The following RPS27A variants were observed in gnomAD, a reference collection of about 807,000 sequenced individuals.
RPS27A encodes ribosomal protein S27a.
In RPS27A, 1 loss-of-function variant was observed where a neutral mutation model predicts 18.9. The ratio of observed to expected loss-of-function variants is 0.05; its 90% confidence interval spans 0.02 to 0.25. The LOEUF is 0.25. Among genes scored for constraint, RPS27A ranks in the 10% least tolerant of loss-of-function variants. RPS27A has a pLI of 1.00. For missense variants in RPS27A, 123 were observed against 187.4 expected, an observed-to-expected ratio of 0.66 and a Z score of 2.01; for synonymous variants, 77 against 63.7, an observed-to-expected ratio of 1.21 and a Z score of -0.99.
chr2:55,232,569 G>C (rs1169745593), upstream of RPS27A: 7 of 574,778 alleles, frequency 1.2e-5, no homozygotes, highest in South Asian at 1.4e-4. Flanking sequence ...TCACGTCCTA[G>C]TCTGGCACCG....
chr2:55,233,047 C>T (rs955804183), intron 2 of RPS27A, 175 bp downstream of exon 2: 5 of 699,980 alleles, frequency 7.1e-6, no homozygotes, highest in East Asian at 5.4e-5. Flanking sequence ...TTTTCGGTGG[C>T]CAAAGGCTGG....
At position 55,234,291 on chromosome 2, in the gene RPS27A, ACT is replaced by A. The variant is rs1477594515; in HGVS notation, c.189+90_189+91del. 6 of 944,832 alleles carry A rather than the reference ACT, an allele frequency of 6.4e-6. No individual in the cohort carries two copies. The East Asian group carries it at 1.3e-4, about 20-fold the overall frequency. The allele number at this position is 944,832 out of a possible 1,614,324, so 58.5% of individuals were successfully genotyped here. A position where few individuals can be genotyped will look rare whatever the true frequency, so the allele number is the denominator to read the frequency against. ...TTTACTTTTTTTGAGACAGGCTCTGACTCTGTCACCTAGGGTGGAGTGAGTGG... is the reference window on the plus strand; with the variant it reads ...TTTACTTTTTTTGAGACAGGCTCTGACTGTCACCTAGGGTGGAGTGAGTGG... On this transcript the variant is annotated intron_variant, in intron 4 of 5. Coordinates refer to ENST00000272317, the MANE Select transcript of RPS27A (RefSeq NM_002954.6).
chr2:55,234,641 A>G (rs1675701002), intron 4 of RPS27A, 190 bp from the exon 5 acceptor site: 1 of 658,008 alleles, frequency 1.5e-6, no homozygotes, highest in African/African-American at 1.8e-5. Context: ...CCATGGTGTA[A>G]TGTAATGCAT....
At chr2:55,233,164 C>T (rs910133363) in intron 2 of RPS27A, 199 bp from the exon 3 acceptor site, 1 of 658,022 alleles carries the variant, frequency 1.5e-6, no homozygotes, top group Admixed American at 2.4e-5. Flanking sequence ...GCCCTGCGGC[C>T]GCCGCCCGCT....
chr2:55,233,232 G>A, intron 2 of RPS27A, 131 bp from the exon 3 acceptor site: 1 of 805,074 alleles, frequency 1.2e-6, no homozygotes, highest in Non-Finnish European at 2.1e-6. Context: ...TGCCCACTGG[G>A]TGGGTAATAG....
chr2:55,235,632 G>C lies in RPS27A; in HGVS notation c.*55G>C, dbSNP rs143376339. ...ACATTTATTGTTGGGTTTTATTGCA[G>C]TAAAAAGAATGGTTTTTAAGCACCA... On this transcript the variant is annotated 3_prime_UTR_variant, in exon 6 of 6. Transcript: ENST00000272317. The C allele has an allele frequency of 3.2e-5, 51 of 1,583,946 alleles. No homozygotes were observed. The African/African-American group carries it at 4.8e-4, about 15-fold the overall frequency.
At chr2:55,232,943 T>A (rs1404783023) in intron 2 of RPS27A, 71 bp downstream of exon 2, 15 of 1,213,598 alleles carry the variant, frequency 1.2e-5, no homozygotes. Flanking sequence ...GGACCGGCGC[T>A]GCTTTCCATG....
At position 55,232,867 on chromosome 2, in the gene RPS27A, C is replaced by T. The variant is rs1558536022; in HGVS notation, c.43C>T (p.Leu15Phe). Residue 15 changes from leucine (L) to phenylalanine (F), a missense_variant, in exon 2 of 6, where the codon CTC becomes TTC. This residue lies in a region of RPS27A where 66 missense variants were observed against 72.6 expected (regional missense o/e 0.91). Coordinates refer to ENST00000272317, the MANE Select transcript of RPS27A (RefSeq NM_002954.6). Reference sequence around the variant, plus strand: ...AACCCTTACGGGGAAGACCATCACCCTCGAGGTACGGGCCGGGTGGTCATG... The same window carrying T: ...AACCCTTACGGGGAAGACCATCACCTTCGAGGTACGGGCCGGGTGGTCATG... Reference protein sequence around the residue: ...VKTLTGKTITLEVEPSDTIEN... With the variant: ...VKTLTGKTITFEVEPSDTIEN... The T allele has an allele frequency of 3.7e-6, 6 of 1,611,516 alleles. No homozygotes were observed. The highest frequency in any genetic ancestry group is 5.1e-6 in the Non-Finnish European group (6 of 1,179,346).
At chr2:55,233,570 G>T in intron 3 of RPS27A, 153 bp downstream of exon 3, 1 of 685,018 alleles carries the variant, frequency 1.5e-6, no homozygotes. Context: ...TGGTGATCGG[G>T]GAGCACAGTA....
At position 55,235,631 on chromosome 2, in the gene RPS27A, A is replaced by G. The variant is rs1675750528; in HGVS notation, c.*54A>G. 7 of 1,585,902 alleles carry G rather than the reference A, an allele frequency of 4.4e-6. No individual in the cohort carries two copies. The highest frequency in any genetic ancestry group is 1.3e-5 in the African/African-American group (1 of 74,640). Reference sequence around the variant, plus strand: ...AACATTTATTGTTGGGTTTTATTGCAGTAAAAAGAATGGTTTTTAAGCACC... The same window carrying G: ...AACATTTATTGTTGGGTTTTATTGCGGTAAAAAGAATGGTTTTTAAGCACC... On this transcript the variant is annotated 3_prime_UTR_variant, in exon 6 of 6. Transcript: ENST00000272317.
chr2:55,231,933 G>A (rs1444448595), upstream of RPS27A: 16 of 152,358 alleles, frequency 1.1e-4, 1 homozygote, highest in East Asian at 2.5e-3. Flanking sequence ...GGCTGGGAGA[G>A]ACTCGGCGGT....
chr2:55,232,230 C>G (rs1205401338), upstream of RPS27A: 1 of 177,496 alleles, frequency 5.6e-6, no homozygotes, highest in Non-Finnish European at 1.2e-5. Flanking sequence ...TACCTCCAGT[C>G]CTCACCTGAG....
intron 3 of RPS27A, 51 bp from the exon 4 acceptor site, chr2:55,234,068 C>T (rs1675662478): frequency 8.6e-7 from 1 of 1,163,788 alleles, no homozygotes; most frequent in Non-Finnish European, 1.3e-6. Context: ...AAGTCTGGAG[C>T]ACATCACAGG....
At chr2:55,233,553 T>C in intron 3 of RPS27A, 136 bp downstream of exon 3, 2 of 708,792 alleles carry the variant, frequency 2.8e-6, no homozygotes, top group East Asian at 2.7e-5. Flanking sequence ...AATAACACAA[T>C]AGACATTGGT....
intron 4 of RPS27A, 153 bp from the exon 5 acceptor site, chr2:55,234,678 T>G: frequency 1.2e-6 from 1 of 837,516 alleles, no homozygotes; most frequent in Non-Finnish European, 1.9e-6. Flanking sequence ...AAACTGTCAG[T>G]TAAGAATCTG....
At chr2:55,233,101 A>G in intron 2 of RPS27A, 1 of 640,948 alleles carries the variant, frequency 1.6e-6, no homozygotes. Flanking sequence ...GTTAAAACGG[A>G]GGAGCTGCGG....
intron 3 of RPS27A, chr2:55,233,752 C>T (rs1675634035): frequency 8.5e-6 from 4 of 471,492 alleles, no homozygotes; most frequent in Admixed American, 3.4e-5. Flanking sequence ...CTTCAGCCTC[C>T]CTATTAGTGG....
At chr2:55,234,995 G>C (rs969453013) in intron 5 of RPS27A, 33 bp downstream of exon 5, 1 of 1,610,190 alleles carries the variant, frequency 6.2e-7, no homozygotes, top group East Asian at 2.2e-5. Flanking sequence ...TGTCAGCAAA[G>C]TCTTGGCTTA....
At chr2:55,233,901 A>G (rs1373377268) in intron 3 of RPS27A, 4 of 609,320 alleles carry the variant, frequency 6.6e-6, no homozygotes, top group Non-Finnish European at 1.2e-5. Context: ...AAGTATTGGT[A>G]TTACAGGTGT....
Sources: allele counts gnomAD v4.1 joint callset, GRCh38; gene constraint gnomAD v4.1.1; regional missense constraint gnomAD v4.1.1; transcripts MANE v1.5; gene names NCBI Gene and HGNC (gene_info 2026-07-23, HGNC 2026-07-21).